The following GRIN2A variants were observed in gnomAD, a reference collection of about 807,000 sequenced individuals.
GRIN2A encodes glutamate receptor ionotropic, NMDA 2A.
GRIN2A carries 22 observed loss-of-function variants against 113.4 expected under a neutral mutation model. That is an observed-to-expected ratio of 0.19 (90% confidence interval 0.14 to 0.28). The LOEUF (loss-of-function observed/expected upper bound fraction) is 0.28. Ranked by LOEUF, GRIN2A falls within the 10% of genes least tolerant of loss-of-function variation. GRIN2A has a pLI of 1.00. For synonymous variants in GRIN2A, 827 were observed against 738.4 expected (o/e 1.12, Z -1.94); for missense variants, 1,502 against 1,887.0 (o/e 0.80, Z 3.78).
intron 2 of GRIN2A, among the ~76,000 whole-genome samples, chr16:9,961,328 T>A (rs561703232): frequency 6.6e-6 from 1 of 151,868 alleles, no homozygotes; most frequent in East Asian, 1.9e-4. Flanking sequence ...GATATGGGGG[T>A]GCAGGGGTGG....
At chr16:9,915,098 G>A (rs2044220239) in intron 3 of GRIN2A, among the ~76,000 whole-genome samples, 1 of 150,646 alleles carries the variant, frequency 6.6e-6, no homozygotes, top group African/African-American at 2.4e-5. Flanking sequence ...CACTGCACCC[G>A]GCTAATTTTT....
chr16:9,767,096 T>C (rs1180185545), intron 12 of GRIN2A, among the ~76,000 whole-genome samples: 76 of 152,224 alleles, frequency 5.0e-4, no homozygotes, highest in Admixed American at 4.9e-3. Context: ...GAAAAGCCTT[T>C]GGTAATTGGC....
chr16:10,138,705 G>A (rs923397730), intron 2 of GRIN2A, among the ~76,000 whole-genome samples: 2 of 151,992 alleles, frequency 1.3e-5, no homozygotes, highest in African/African-American at 2.4e-5. Flanking sequence ...GTCAAGCAGG[G>A]GTAAGAATAG....
intron 2 of GRIN2A, among the ~76,000 whole-genome samples, chr16:9,967,821 C>G (rs552616864): frequency 3.9e-5 from 6 of 152,188 alleles, no homozygotes; most frequent in Non-Finnish European, 1.5e-5. Flanking sequence ...GCACCAAAAT[C>G]TCAGAAATGA....
intron 2 of GRIN2A, among the ~76,000 whole-genome samples, chr16:10,139,746 T>C (rs2049283277): frequency 6.6e-6 from 1 of 152,240 alleles, no homozygotes; most frequent in Non-Finnish European, 1.5e-5. Context: ...TTATTTTTAA[T>C]ATCAGAGAGG....
intron 2 of GRIN2A, among the ~76,000 whole-genome samples, chr16:10,042,666 A>T (rs2047185889): frequency 6.6e-6 from 1 of 152,228 alleles, no homozygotes; most frequent in Non-Finnish European, 1.5e-5. Flanking sequence ...ACTAATACAC[A>T]ACACAGCCAT....
Position 10,173,843 on chromosome 16 carries a change from T to C in GRIN2A, c.414+6155A>G, listed in dbSNP as rs147316740. ...ATACATAATCAAGTTTAAAAAAATA[T>C]ATAAAAGCAGGTTGTGAAATAAAAC... On this transcript the variant is annotated intron_variant, in intron 2 of 12. Coordinates refer to ENST00000330684, the MANE Select transcript of GRIN2A (RefSeq NM_001134407.3). Among the ~76,000 whole-genome samples, 729 of 152,306 alleles carry C rather than the reference T, an allele frequency of 4.8e-3. 5 individuals carry two copies. Among genetic ancestry groups the C allele is most frequent in the South Asian group, 0.028 (137 of 4,832 alleles).
chr16:9,925,207 A>G (rs1275725978), intron 3 of GRIN2A, among the ~76,000 whole-genome samples: 2 of 152,232 alleles, frequency 1.3e-5, no homozygotes, highest in South Asian at 2.1e-4. Context: ...TGTTAGGCAG[A>G]GTGAGAGCAA....
At chr16:10,140,791 T>C (rs1052569240) in intron 2 of GRIN2A, among the ~76,000 whole-genome samples, 2 of 152,238 alleles carry the variant, frequency 1.3e-5, no homozygotes, top group African/African-American at 4.8e-5. Context: ...AAGTGGACTC[T>C]GCACTCTGTT....
intron 2 of GRIN2A, among the ~76,000 whole-genome samples, chr16:10,120,758 C>T (rs1346218734): frequency 1.3e-5 from 2 of 152,104 alleles, no homozygotes; most frequent in East Asian, 1.9e-4. Flanking sequence ...AAGAGACCCA[C>T]TCCAGTTAGT....
At chr16:10,139,097 T>C (rs1445977525) in intron 2 of GRIN2A, among the ~76,000 whole-genome samples, 1 of 152,100 alleles carries the variant, frequency 6.6e-6, no homozygotes, top group African/African-American at 2.4e-5. Flanking sequence ...ACAGCACGGA[T>C]CAAGCCAAGT....
chr16:10,039,909 C>T (rs2047120291), intron 2 of GRIN2A, among the ~76,000 whole-genome samples: 2 of 130,700 alleles, frequency 1.5e-5, no homozygotes, highest in Admixed American at 1.5e-4. Flanking sequence ...CGCAATCCAG[C>T]ACACTCACAG....
chr16:10,055,035 G>A (rs1303774176), intron 2 of GRIN2A, among the ~76,000 whole-genome samples: 4 of 76,222 alleles, frequency 5.2e-5, no homozygotes, highest in African/African-American at 1.0e-4. Context: ...GCAACAGAGC[G>A]AGACTCTATC....
At chr16:9,918,692 A>G (rs1170832885) in intron 3 of GRIN2A, among the ~76,000 whole-genome samples, 2 of 152,224 alleles carry the variant, frequency 1.3e-5, no homozygotes, top group East Asian at 3.8e-4. Context: ...CTTACTTAAA[A>G]TGTCACTTTG....
intron 2 of GRIN2A, among the ~76,000 whole-genome samples, chr16:10,094,054 G>A (rs2048237110): frequency 6.6e-6 from 1 of 152,178 alleles, no homozygotes; most frequent in African/African-American, 2.4e-5. Flanking sequence ...GGAAGCATCA[G>A]AACCTGGCTG....
intron 11 of GRIN2A, among the ~76,000 whole-genome samples, chr16:9,772,866 G>A (rs192111456): frequency 7.6e-6 from 1 of 132,056 alleles, no homozygotes; most frequent in Non-Finnish European, 1.5e-5. Flanking sequence ...TCTGCCCTTT[G>A]CCCAAACAAT....
chr16:10,033,804 T>C (rs1023684757), intron 2 of GRIN2A: 2 of 152,324 alleles, frequency 1.3e-5, no homozygotes, highest in Non-Finnish European at 2.9e-5. Flanking sequence ...AACACAGCCT[T>C]GTGCGTATGC....
At chr16:9,910,833 C>T (rs1158684357) in intron 3 of GRIN2A, among the ~76,000 whole-genome samples, 1 of 152,130 alleles carries the variant, frequency 6.6e-6, no homozygotes, top group East Asian at 1.9e-4. Context: ...CCACTGCACC[C>T]AGCCTTAGAG....
rs548589120 is a variant in GRIN2A at position 9,764,609 on chromosome 16, C to T, written c.2935G>A (p.Val979Ile). Reference protein sequence around the residue: ...NRQKDNLNNYVFQGQHPLTLN... With the variant: ...NRQKDNLNNYIFQGQHPLTLN... Reference sequence around the variant, plus strand: ...GTAAGAGGATGTTGTCCCTGGAATACATAGTTATTGAGGTTATCCTTCTGC... The same window carrying T: ...GTAAGAGGATGTTGTCCCTGGAATATATAGTTATTGAGGTTATCCTTCTGC... Residue 979 changes from valine to isoleucine, a missense_variant, in exon 13 of 13, where the codon GTA becomes ATA. Val to Ile is a conservative substitution (Grantham distance 29). Transcript: ENST00000330684. 6.2e-7 allele frequency: 1 copy of T among 1,614,140 alleles called. No homozygotes were observed. Among genetic ancestry groups the T allele is most frequent in the Non-Finnish European group, 8.5e-7 (1 of 1,180,036 alleles).
Sources: gnomAD v4.1 joint callset for allele counts (sites outside exome capture counted in the v4.1 genomes callset) on GRCh38, gnomAD v4.1.1 for gene constraint, MANE v1.5 for transcripts, NCBI Gene and HGNC (gene_info 2026-07-23, HGNC 2026-07-21) for gene names.